YIPF7: variants seen among roughly 807,000 people sequenced by gnomAD.
YIPF7 encodes protein YIPF7.
Under a neutral mutation model 27.2 loss-of-function variants are expected in YIPF7, and 35 were observed. The ratio of observed to expected loss-of-function variants is 1.29; its 90% CI spans 0.98 to 1.70. YIPF7 has a LOEUF of 1.70. Ranked by LOEUF, YIPF7 falls within the 40% of genes most tolerant of loss-of-function variation. YIPF7 has a pLI of 0.00. For synonymous variants in YIPF7, 137 were observed against 110.4 expected (o/e 1.24, Z -1.51); for missense variants, 358 against 303.7 (o/e 1.18, Z -1.33).
At chr4:44,646,625 T>G (rs1445056665) in intron 2 of YIPF7, among the ~76,000 whole-genome samples, 1 of 152,156 alleles carries the variant, frequency 6.6e-6, no homozygotes, top group Admixed American at 6.5e-5. Flanking sequence ...GGCTGAATAA[T>G]TATGTTTTTA....
chr4:44,655,233 T>C (rs1713856684), upstream of YIPF7, among the ~76,000 whole-genome samples: 1 of 152,052 alleles, frequency 6.6e-6, no homozygotes, highest in Admixed American at 6.6e-5. Flanking sequence ...CAGAATCCAA[T>C]ATTTTAGTTG....
At position 44,651,549 on chromosome 4, in the gene YIPF7, C is replaced by G. The variant is rs1482611324; in HGVS notation, c.-2+5G>C. 1 of 1,568,860 alleles carries G rather than the reference C, an allele frequency of 6.4e-7. No homozygotes were observed. The highest frequency in any genetic ancestry group is 8.7e-7 in the Non-Finnish European group (1 of 1,155,320). ...CCAAGTCTTTTAGAAGGATCAGACA[C>G]ATACCTCTGTTTATTTTTTATAGAA... On this transcript the variant is annotated splice_donor_5th_base_variant and intron_variant, in intron 1 of 5. Coordinates refer to ENST00000415895, the MANE Select transcript of YIPF7 (RefSeq NM_182592.3).
At chr4:44,645,904 G>T (rs966272195) in intron 2 of YIPF7, among the ~76,000 whole-genome samples, 1 of 151,902 alleles carries the variant, frequency 6.6e-6, no homozygotes, top group Non-Finnish European at 1.5e-5. Flanking sequence ...CACATTCATA[G>T]GAAAATAGAA....
chr4:44,650,182 A>G, intron 1 of YIPF7, 81 bp from the exon 2 acceptor site: 2 of 825,588 alleles, frequency 2.4e-6, no homozygotes, highest in South Asian at 3.0e-5. Context: ...TCAAATGACA[A>G]TGTGATTATG....
intron 2 of YIPF7, among the ~76,000 whole-genome samples, chr4:44,660,047 G>A (rs1313492837): frequency 7.2e-6 from 1 of 139,858 alleles, no homozygotes; most frequent in Non-Finnish European, 1.5e-5. Flanking sequence ...CTGGGAGGCA[G>A]AGCTTGCAGT....
At chr4:44,624,849 T>C in intron 4 of YIPF7, 67 bp from the exon 5 acceptor site, 2 of 1,432,886 alleles carry the variant, frequency 1.4e-6, no homozygotes, top group Non-Finnish European at 1.9e-6. Flanking sequence ...CTGAATATCA[T>C]GAAGCAGAGA....
chr4:44,636,892 T>C (rs1414360652), intron 2 of YIPF7, among the ~76,000 whole-genome samples: 1 of 152,166 alleles, frequency 6.6e-6, no homozygotes, highest in Non-Finnish European at 1.5e-5. Flanking sequence ...TAATTTATCA[T>C]CACTCCTCTC....
rs1430155166 is a variant in YIPF7, at chr4:44,635,986, G to A, written c.216C>T (p.Asn72=). ...AAGGAGATTGTGAATAATAATCTGA[G>A]TTGGATGCTGGCTGAAAAAATTGTC... ...YAGQFFQPAS[N]SDYYSQSPYI... The change falls in exon 3 of 6, where the codon AAC becomes AAT. Residue 72 remains asparagine, a synonymous_variant. Transcript: ENST00000415895. 1 of 1,613,822 alleles carries A rather than the reference G, an allele frequency of 6.2e-7. No homozygotes were observed. Among genetic ancestry groups the A allele is most frequent in the African/African-American group, 1.3e-5 (1 of 74,952 alleles).
chr4:44,625,020 T>C (rs1406411730), intron 4 of YIPF7, among the ~76,000 whole-genome samples: 1 of 152,178 alleles, frequency 6.6e-6, no homozygotes, highest in Admixed American at 6.5e-5. Context: ...CAAAAAAGAT[T>C]GAATATTTCT....
intron 2 of YIPF7, among the ~76,000 whole-genome samples, chr4:44,656,773 C>G (rs909414439): frequency 6.6e-6 from 1 of 150,474 alleles, no homozygotes; most frequent in African/African-American, 2.4e-5. Flanking sequence ...TACAAATGCT[C>G]TCTCTTGTAG....
intron 2 of YIPF7, among the ~76,000 whole-genome samples, chr4:44,643,740 T>A (rs1713421191): frequency 6.6e-6 from 1 of 152,098 alleles, no homozygotes; most frequent in East Asian, 1.9e-4. Flanking sequence ...TTGGGGCAAA[T>A]GAGCCCAGTT....
intron 2 of YIPF7, among the ~76,000 whole-genome samples, chr4:44,640,780 C>A (rs528381126): frequency 2.0e-5 from 3 of 152,282 alleles, no homozygotes; most frequent in South Asian, 4.1e-4. Context: ...GCAGCCCATG[C>A]CACACTAGCT....
At chr4:44,656,558 G>A (rs1346236996), upstream of YIPF7, among the ~76,000 whole-genome samples, 1 of 151,990 alleles carries the variant, frequency 6.6e-6, no homozygotes, top group Admixed American at 6.6e-5. Context: ...ATTGAGTACG[G>A]TAGCTGGCAA....
At chr4:44,633,727 A>AG (rs1235357821) in intron 3 of YIPF7, among the ~76,000 whole-genome samples, 4 of 151,984 alleles carry the variant, frequency 2.6e-5, no homozygotes. Flanking sequence ...TAGGAAAAAA[A>AG]AAGTTTAAAA....
chr4:44,627,907 G>A (rs968281341), intron 4 of YIPF7, among the ~76,000 whole-genome samples: 1 of 152,056 alleles, frequency 6.6e-6, no homozygotes, highest in Non-Finnish European at 1.5e-5. Flanking sequence ...TATAAGAAGG[G>A]TTATGTAAAT....
At chr4:44,627,031 C>T (rs1041311184) in intron 4 of YIPF7, among the ~76,000 whole-genome samples, 1 of 151,892 alleles carries the variant, frequency 6.6e-6, no homozygotes, top group African/African-American at 2.4e-5. Flanking sequence ...ATCCGCCCGC[C>T]TCGGCCTCCC....
In YIPF7 at chr4:44,641,317, A is replaced by T. The variant is rs542762684; in HGVS notation, c.117-5232T>A. On this transcript the variant is annotated intron_variant, in intron 2 of 5. Coordinates refer to ENST00000415895, the MANE Select transcript of YIPF7 (RefSeq NM_182592.3). ...TTTGCTTCTTCTAAGTGGATAAAAC[A>T]TGCTTGAAATGCTTCAAGTCAGCCA... is the stretch of plus-strand genomic sequence containing the variant. Among the ~76,000 whole-genome samples, 3 of 152,290 alleles carry T rather than the reference A, an allele frequency of 2.0e-5. No homozygotes were observed. The South Asian group carries it at 6.2e-4, about 32-fold the overall frequency.
chr4:44,645,222 T>C (rs1345770973), intron 2 of YIPF7, among the ~76,000 whole-genome samples: 2 of 152,242 alleles, frequency 1.3e-5, no homozygotes, highest in East Asian at 3.8e-4. Context: ...ATGAACAACT[T>C]TAATTTTAAA....
At chr4:44,626,806 C>T (rs1447960961) in intron 4 of YIPF7, among the ~76,000 whole-genome samples, 10 of 93,870 alleles carry the variant, frequency 1.1e-4, no homozygotes, top group Admixed American at 3.3e-4. Context: ...GATGGAGTCT[C>T]GCTCTTTCGC....
Sources: allele counts gnomAD v4.1 joint callset (sites outside exome capture counted in the v4.1 genomes callset), GRCh38; gene constraint gnomAD v4.1.1; transcripts MANE v1.5; gene names NCBI Gene and HGNC (gene_info 2026-07-23, HGNC 2026-07-21).